KCTD3: variants seen among roughly 807,000 people sequenced by gnomAD.
The protein encoded by KCTD3 is BTB/POZ domain-containing protein KCTD3.
Under a neutral mutation model 85.8 loss-of-function variants are expected in KCTD3, and 41 were observed. The observed-to-expected ratio is 0.48, with a 90% CI of 0.37 to 0.62. The LOEUF is 0.62. KCTD3 is among the 20% of genes least tolerant of loss of function. The probability of loss-of-function intolerance (pLI) is 0.00; values close to 1 mark genes in which losing one functional copy is unlikely to be tolerated. For missense variants in KCTD3, 724 were observed against 989.9 expected (o/e 0.73, Z 3.60); for synonymous variants, 338 against 345.4 (o/e 0.98, Z 0.24).
At chr1:215,593,080 T>C (rs1217086223) in intron 9 of KCTD3, among the ~76,000 whole-genome samples, 3 of 152,244 alleles carry the variant, frequency 2.0e-5, no homozygotes, top group African/African-American at 7.2e-5. Flanking sequence ...TGAATATAGT[T>C]GGCTTCACAT....
chr1:215,576,456 A>C (rs1264741581), intron 4 of KCTD3, among the ~76,000 whole-genome samples: 1 of 151,914 alleles, frequency 6.6e-6, no homozygotes, highest in Non-Finnish European at 1.5e-5. Context: ...CTATAATCCC[A>C]GCTACTCTAG....
chr1:215,572,962 A>G (rs974990735), intron 1 of KCTD3, among the ~76,000 whole-genome samples: 1 of 152,214 alleles, frequency 6.6e-6, no homozygotes, highest in African/African-American at 2.4e-5. Context: ...GCTGGACTGA[A>G]CAAGTACTAT....
rs1558228369 is a variant in KCTD3, at chr1:215,575,908, T to C, written c.191T>C (p.Ile64Thr). ...CTGTTCTCTTTTTTACAGATATTTATTGATAGAGATCCAGCAGCATTTGCA... is the reference window on the plus strand; with the variant it reads ...CTGTTCTCTTTTTTACAGATATTTACTGATAGAGATCCAGCAGCATTTGCA... ...TLRDETGAIF[I>T]DRDPAAFAPI... The change falls in exon 4 of 18, where the codon ATT (isoleucine) becomes ACT (threonine). Residue 64 changes from isoleucine to threonine, a missense_variant. Transcript: ENST00000259154. The C allele has an allele frequency of 1.3e-6, 2 of 1,536,928 alleles. No individual in the cohort carries two copies. Among genetic ancestry groups the C allele is most frequent in the East Asian group, 2.3e-5 (1 of 43,838 alleles).
At position 215,567,481 on chromosome 1, in the gene KCTD3, C is replaced by A. The variant is rs1011979899; in HGVS notation, c.-205C>A. The A allele has an allele frequency of 6.6e-5, 18 of 274,740 alleles. No individual in the cohort carries two copies. The highest frequency in any genetic ancestry group is 2.1e-4 in the Admixed American group (4 of 18,834). The allele number at this position is 274,740 out of a possible 1,614,324, so 17.0% of individuals were successfully genotyped here. On this transcript the variant is annotated 5_prime_UTR_variant, in exon 1 of 18. Transcript: ENST00000259154. The stretch of plus-strand genomic sequence containing the variant: ...TGGAGGCCGGGCCGCCCTTGTGCAC[C>A]GCAGGATTGACCCGGGAAGGGGCAG...
At chr1:215,610,481 G>A (rs1309855442) in intron 14 of KCTD3, among the ~76,000 whole-genome samples, 2 of 151,838 alleles carry the variant, frequency 1.3e-5, no homozygotes, top group Non-Finnish European at 2.9e-5. Flanking sequence ...AATAGGTTAT[G>A]GGTCAGTCTC....
intron 14 of KCTD3, among the ~76,000 whole-genome samples, chr1:215,609,167 G>A (rs2102598695): frequency 6.6e-6 from 1 of 152,092 alleles, no homozygotes; most frequent in Non-Finnish European, 1.5e-5. Flanking sequence ...TTAGGAGGTA[G>A]ATACCCCACT....
intron 1 of KCTD3, among the ~76,000 whole-genome samples, chr1:215,568,568 C>A (rs930366894): frequency 3.6e-5 from 5 of 138,186 alleles, no homozygotes; most frequent in Admixed American, 2.6e-4. Context: ...TTTCCTATAA[C>A]TTATGAGTCA....
chr1:215,568,089 A>C (rs1486807354), intron 1 of KCTD3, among the ~76,000 whole-genome samples: 1 of 152,112 alleles, frequency 6.6e-6, no homozygotes, highest in Admixed American at 6.5e-5. Context: ...TCCTTACCTC[A>C]TCTCAGATTA....
intron 8 of KCTD3, 96 bp downstream of exon 8, chr1:215,580,095 G>C (rs1659761477): frequency 3.8e-6 from 3 of 780,102 alleles, no homozygotes; most frequent in African/African-American, 3.5e-5. Context: ...TTTTTTTTTA[G>C]TCATCAAGTT....
chr1:215,608,989 A>G (rs866546703), intron 14 of KCTD3, among the ~76,000 whole-genome samples: 4 of 152,016 alleles, frequency 2.6e-5, no homozygotes, highest in African/African-American at 9.7e-5. Context: ...GAAATTTTAA[A>G]AAGTGCGGTG....
intron 15 of KCTD3, 75 bp from the exon 16 acceptor site, chr1:215,618,803 TTCTTTCTG>T: frequency 9.6e-7 from 1 of 1,039,082 alleles, no homozygotes; most frequent in East Asian, 2.5e-5. Context: ...TTTGCTTTCT[TTCTTTCTG>T]TCTTTTTAGT....
chr1:215,618,746 A>AT, intron 15 of KCTD3, 140 bp from the exon 16 acceptor site: 1 of 647,778 alleles, frequency 1.5e-6, no homozygotes, highest in South Asian at 2.3e-5. Flanking sequence ...AAAGATTTAC[A>AT]CATAAATTTT....
chr1:215,619,203 G>A lies in KCTD3; in HGVS notation c.1798G>A (p.Asp600Asn). Residue 600 changes from aspartate to asparagine, a missense_variant, in exon 17 of 18, where the codon GAT (aspartate) becomes AAT (asparagine). Transcript: ENST00000259154. ...EELLKLLDQC[D>N]LSTSRCATPN... is the part of the protein sequence containing the mutation. ...GCTACTCAAATTACTCGATCAATGT[G>A]ATTTGAGCACATCTCGCTGTGCTAC... is the stretch of plus-strand genomic sequence containing the variant. The A allele has an allele frequency of 6.2e-7, 1 of 1,613,802 alleles. No homozygotes were observed. The highest frequency in any genetic ancestry group is 8.5e-7 in the Non-Finnish European group (1 of 1,179,678).
intron 8 of KCTD3, among the ~76,000 whole-genome samples, chr1:215,581,711 C>T (rs562386392): frequency 6.6e-6 from 1 of 152,302 alleles, no homozygotes; most frequent in South Asian, 2.1e-4. Flanking sequence ...CACCAAGTGT[C>T]TGACATTTCA....
chr1:215,583,991 A>G (rs1037938460), intron 8 of KCTD3, among the ~76,000 whole-genome samples: 2 of 152,218 alleles, frequency 1.3e-5, no homozygotes, highest in Non-Finnish European at 1.5e-5. Flanking sequence ...ATCCCAAGTA[A>G]ACTAAATAAG....
At chr1:215,591,760 C>T (rs1299739566) in intron 9 of KCTD3, among the ~76,000 whole-genome samples, 2 of 152,218 alleles carry the variant, frequency 1.3e-5, no homozygotes, top group African/African-American at 4.8e-5. Context: ...CCCTCTGGCA[C>T]AGTTCCCTTC....
At chr1:215,568,480 C>G (rs371282812) in intron 1 of KCTD3, among the ~76,000 whole-genome samples, 1 of 31,730 alleles carries the variant, frequency 3.2e-5, no homozygotes, top group Non-Finnish European at 7.6e-5. Context: ...TCTTTCTGGC[C>G]TTCCGCCCCC....
chr1:215,609,243 A>G (rs138652868), intron 14 of KCTD3, among the ~76,000 whole-genome samples: 1 of 152,086 alleles, frequency 6.6e-6, no homozygotes, highest in Non-Finnish European at 1.5e-5. Context: ...GAACTGATAC[A>G]TGAAGGATAG....
At chr1:215,575,767 A>G (rs1475516787) in intron 3 of KCTD3, 134 bp from the exon 4 acceptor site, 1 of 562,478 alleles carries the variant, frequency 1.8e-6, no homozygotes, top group Admixed American at 3.8e-5. Context: ...TTTTAGAAAC[A>G]TTAAAGTTTA....
Sources: allele counts gnomAD v4.1 joint callset (sites outside exome capture counted in the v4.1 genomes callset), GRCh38; gene constraint gnomAD v4.1.1; transcripts MANE v1.5; gene names NCBI Gene and HGNC (gene_info 2026-07-23, HGNC 2026-07-21).